FAT3: variants seen among roughly 807,000 people sequenced by gnomAD.
FAT3 encodes protocadherin Fat 3.
In FAT3, 95 loss-of-function variants were observed where a neutral mutation model predicts 310.2. That is an observed-to-expected ratio of 0.31 (90% CI 0.26 to 0.36). The LOEUF (loss-of-function observed/expected upper bound fraction) is 0.36, where lower values mean the gene tolerates loss of function less well. Ranked by LOEUF, FAT3 falls within the 10% of genes least tolerant of loss-of-function variation. The probability of loss-of-function intolerance (pLI) is 1.00; values close to 1 mark genes in which losing one functional copy is unlikely to be tolerated. For synonymous variants in FAT3, 2,314 were observed against 2,192.9 expected (o/e 1.06, Z -1.54); for missense variants, 5,408 against 5,715.6 (o/e 0.95, Z 1.74).
intron 1 of FAT3, among the ~76,000 whole-genome samples, chr11:92,301,842 A>G (rs575706098): frequency 6.6e-6 from 1 of 152,118 alleles, no homozygotes; most frequent in Non-Finnish European, 1.5e-5. Context: ...TTTAGGTGCA[A>G]CTGTAAGCAC....
intron 2 of FAT3, among the ~76,000 whole-genome samples, chr11:92,388,679 C>T (rs1402410906): frequency 1.3e-5 from 2 of 152,132 alleles, no homozygotes. Context: ...GAAGCTTATT[C>T]ATTTCCTGGG....
At chr11:92,539,744 A>G (rs1954379537) in intron 3 of FAT3, among the ~76,000 whole-genome samples, 1 of 152,232 alleles carries the variant, frequency 6.6e-6, no homozygotes, top group South Asian at 2.1e-4. Context: ...TATTCCAGAT[A>G]ACTGATGTTT....
chr11:92,392,316 G>T (rs2134818694), intron 2 of FAT3, among the ~76,000 whole-genome samples: 1 of 152,166 alleles, frequency 6.6e-6, no homozygotes. Flanking sequence ...CAATTATTGA[G>T]TGCTAATATC....
chr11:92,354,872 C>T lies in FAT3; in HGVS notation c.2760C>T (p.Val920=), dbSNP rs1382230311. The change falls in exon 2 of 28, where the codon GTC becomes GTT. Residue 920 remains valine, a synonymous_variant. Coordinates refer to ENST00000525166, the MANE Select transcript of FAT3 (RefSeq NM_001367949.2). ...GTGGTCAGCAGCTGTTTTCAGTTGT[C>T]ACTCTTAAAGTTTTTTTAGATGATG... ...AESGQQLFSV[V]TLKVFLDDVN... The T allele has an allele frequency of 1.2e-6, 2 of 1,613,742 alleles. No homozygotes were observed. Among genetic ancestry groups the T allele is most frequent in the African/African-American group, 2.7e-5 (2 of 74,900 alleles).
In FAT3 at chr11:92,801,413, A is replaced by C; in HGVS notation, c.8400A>C (p.Val2800=). 6.2e-7 allele frequency: 1 copy of C among 1,613,972 alleles called. No individual in the cohort carries two copies. The highest frequency in any genetic ancestry group is 8.5e-7 in the Non-Finnish European group (1 of 1,179,878). Residue 2800 remains valine (V), a synonymous_variant, in exon 10 of 28, where the codon GTA becomes GTC. Coordinates refer to ENST00000525166, the MANE Select transcript of FAT3 (RefSeq NM_001367949.2). The part of the protein sequence containing the change: ...DKVDIVFTVD[V]DIKVLDLNDN... Reference sequence around the variant, plus strand: ...TAGACATTGTGTTTACTGTGGATGTAGATATCAAGGTATTGGATTTGAATG... The same window carrying C: ...TAGACATTGTGTTTACTGTGGATGTCGATATCAAGGTATTGGATTTGAATG...
intron 1 of FAT3, among the ~76,000 whole-genome samples, chr11:92,307,165 GCCCCCA>G (rs1947162897): frequency 6.6e-6 from 1 of 150,448 alleles, no homozygotes; most frequent in Non-Finnish European, 1.5e-5. Flanking sequence ...TCAGCTTCAG[GCCCCCA>G]CCCCCACCCC....
At chr11:92,426,093 G>A (rs1950626552) in intron 2 of FAT3, among the ~76,000 whole-genome samples, 1 of 152,122 alleles carries the variant, frequency 6.6e-6, no homozygotes, top group Non-Finnish European at 1.5e-5. Context: ...GCGTGAGATG[G>A]AATCTCATTG....
At chr11:92,508,751 C>A (rs536650735) in intron 2 of FAT3, among the ~76,000 whole-genome samples, 1 of 152,182 alleles carries the variant, frequency 6.6e-6, no homozygotes, top group African/African-American at 2.4e-5. Flanking sequence ...AACTCAAATT[C>A]TCAGCCCAAA....
At chr11:92,229,795 C>CTTTTTTTTTTTTTTTTTT (rs375129999) in intron 1 of FAT3, among the ~76,000 whole-genome samples, 1 of 107,920 alleles carries the variant, frequency 9.3e-6, no homozygotes, top group African/African-American at 3.4e-5. Flanking sequence ...GATTTTTTTT[C>CTTTTTTTTTTTTTTTTTT]TTTTTTTTTT....
intron 2 of FAT3, among the ~76,000 whole-genome samples, chr11:92,515,695 T>C (rs1414838271): frequency 6.6e-6 from 1 of 152,100 alleles, no homozygotes; most frequent in African/African-American, 2.4e-5. Context: ...ATACAGTAAC[T>C]GCCTCATGAG....
At chr11:92,233,886 GCAGTGCACATGTTGTGTT>G (rs1864298085) in intron 1 of FAT3, among the ~76,000 whole-genome samples, 1 of 152,088 alleles carries the variant, frequency 6.6e-6, no homozygotes, top group Admixed American at 6.6e-5. Flanking sequence ...GTTGTATTCA[GCAGTGCACATGTTGTGTT>G]CAGTTTACAT....
chr11:92,420,491 G>A (rs566990680), intron 2 of FAT3, among the ~76,000 whole-genome samples: 2 of 152,078 alleles, frequency 1.3e-5, no homozygotes, highest in African/African-American at 2.4e-5. Flanking sequence ...ACTTAGTATC[G>A]AGTGGGATTT....
intron 6 of FAT3, 76 bp from the exon 7 acceptor site, chr11:92,773,965 C>A: frequency 3.3e-6 from 5 of 1,530,952 alleles, no homozygotes; most frequent in East Asian, 2.3e-5. Flanking sequence ...ATAAGAGCTC[C>A]CTTTAAAGAT....
chr11:92,828,402 G>T (rs947947804), intron 13 of FAT3, among the ~76,000 whole-genome samples: 4 of 152,204 alleles, frequency 2.6e-5, no homozygotes, highest in Middle Eastern at 3.4e-3. Context: ...AATATATCCT[G>T]CTCTTTTCTT....
chr11:92,794,651 A>G (rs1001693591), intron 9 of FAT3, among the ~76,000 whole-genome samples: 2 of 152,232 alleles, frequency 1.3e-5, no homozygotes, highest in African/African-American at 2.4e-5. Flanking sequence ...TCTTTAACTG[A>G]CTAAAACAAG....
chr11:92,248,602 A>G (rs190742846), intron 1 of FAT3, among the ~76,000 whole-genome samples: 13 of 152,230 alleles, frequency 8.5e-5, no homozygotes, highest in African/African-American at 2.9e-4. Context: ...AAACAATTTT[A>G]AATTTATTTT....
intron 22 of FAT3, among the ~76,000 whole-genome samples, chr11:92,875,027 T>C (rs1949496525): frequency 6.6e-6 from 1 of 152,076 alleles, no homozygotes; most frequent in South Asian, 2.1e-4. Context: ...ATAATCATTA[T>C]TGATATTTTT....
chr11:92,671,878 G>T (rs1943138689), intron 3 of FAT3, among the ~76,000 whole-genome samples: 1 of 152,178 alleles, frequency 6.6e-6, no homozygotes, highest in African/African-American at 2.4e-5. Context: ...GGCCAAGGCA[G>T]GTGGATCATC....
At chr11:92,566,906 A>G (rs918714571) in intron 3 of FAT3, among the ~76,000 whole-genome samples, 1 of 152,222 alleles carries the variant, frequency 6.6e-6, no homozygotes, top group African/African-American at 2.4e-5. Flanking sequence ...TTAAAGACTT[A>G]AACGTTAGAC....
Sources: gnomAD v4.1 joint callset for allele counts (sites outside exome capture counted in the v4.1 genomes callset) on GRCh38, gnomAD v4.1.1 for gene constraint, MANE v1.5 for transcripts, NCBI Gene and HGNC (gene_info 2026-07-23, HGNC 2026-07-21) for gene names.